MALT1: variants seen among roughly 807,000 people sequenced by gnomAD.
MALT1 encodes MALT1 paracaspase.
A neutral mutation model predicts 85.5 loss-of-function variants in MALT1; 36 were observed. The ratio of observed to expected loss-of-function variants is 0.42; its 90% CI spans 0.32 to 0.56. The LOEUF is 0.56. Ranked by LOEUF, MALT1 falls within the 20% of genes least tolerant of loss-of-function variation. The pLI is 0.10. For synonymous variants in MALT1, 359 were observed against 361.3 expected, an observed-to-expected ratio of 0.99 and a Z score of 0.07; for missense variants, 716 against 981.6, an observed-to-expected ratio of 0.73 and a Z score of 3.62.
At chr18:58,698,264 A>G (rs2054623587) in intron 3 of MALT1, among the ~76,000 whole-genome samples, 1 of 151,490 alleles carries the variant, frequency 6.6e-6, no homozygotes, top group Non-Finnish European at 1.5e-5. Context: ...ACGGGGTTTC[A>G]CCATGTTGGC....
rs1041222473 is a variant in MALT1 at position 58,696,361 on chromosome 18, T to TTTG, written c.377-3_377-2insGTT. The TTTG allele has an allele frequency of 7.1e-7, 1 of 1,400,950 alleles. No homozygotes were observed. The highest frequency in any genetic ancestry group is 9.3e-7 in the Non-Finnish European group (1 of 1,072,012). 86.8% of individuals were successfully genotyped at this position (1,400,950 alleles called of 1,614,324 possible). ...AATTTTTTTTTTTTTTTTTTTTTTT[T>TTTG]TTAGGAATAAAGATTACTGTAAACC... On this transcript the variant is annotated splice_region_variant and splice_polypyrimidine_tract_variant and intron_variant, in intron 2 of 16. Coordinates refer to ENST00000649217, the MANE Select transcript of MALT1 (RefSeq NM_006785.4).
chr18:58,733,367 C>T, intron 10 of MALT1, 30 bp from the exon 11 acceptor site: 1 of 1,446,846 alleles, frequency 6.9e-7, no homozygotes, highest in Non-Finnish European at 9.5e-7. Context: ...GAATTGACAT[C>T]TATCTCTCTC....
chr18:58,688,832 G>A (rs2054451141), intron 2 of MALT1, among the ~76,000 whole-genome samples: 3 of 152,050 alleles, frequency 2.0e-5, no homozygotes, highest in Non-Finnish European at 2.9e-5. Flanking sequence ...GGCAGAAAGC[G>A]GGATTACCGT....
intron 2 of MALT1, among the ~76,000 whole-genome samples, chr18:58,686,336 CTTTTG>C (rs903532466): frequency 6.6e-6 from 1 of 152,152 alleles, no homozygotes; most frequent in Non-Finnish European, 1.5e-5. Flanking sequence ...CTATTTGTTT[CTTTTG>C]TTTTAAGTGA....
rs538237973 is a variant in MALT1 at position 58,728,069 on chromosome 18, A to T, written c.1222+4818A>T. Among the ~76,000 whole-genome samples the T allele has an allele frequency of 1.2e-4, 19 of 152,252 alleles. No homozygotes were observed. In the South Asian group the frequency reaches 2.7e-3, roughly 22 times the overall value. Reference sequence around the variant, plus strand: ...GAGTGCATATTCAGTTGAGTGGAAAAGTTTTTCATTTAAATGATTATTTTC... The same window carrying T: ...GAGTGCATATTCAGTTGAGTGGAAATGTTTTTCATTTAAATGATTATTTTC... On this transcript the variant is annotated intron_variant, in intron 10 of 16. Transcript: ENST00000649217.
chr18:58,675,842 G>A (rs545680718), intron 1 of MALT1, among the ~76,000 whole-genome samples: 1 of 152,210 alleles, frequency 6.6e-6, no homozygotes, highest in East Asian at 1.9e-4. Context: ...GTAAACACTT[G>A]TTTGCCATCT....
intron 4 of MALT1, among the ~76,000 whole-genome samples, chr18:58,708,744 T>G (rs1301727902): frequency 6.6e-6 from 1 of 152,232 alleles, no homozygotes; most frequent in East Asian, 1.9e-4. Flanking sequence ...TGGAATCATA[T>G]TCATTCAATG....
intron 10 of MALT1, among the ~76,000 whole-genome samples, 184 bp from the exon 11 acceptor site, chr18:58,733,213 T>A (rs1359212560): frequency 6.6e-6 from 1 of 152,206 alleles, no homozygotes; most frequent in Non-Finnish European, 1.5e-5. Flanking sequence ...GCCTGGCCTG[T>A]TGCCAATAAT....
chr18:58,737,455 T>TG (rs1555689376), intron 13 of MALT1, among the ~76,000 whole-genome samples: 2 of 147,702 alleles, frequency 1.4e-5, no homozygotes, highest in South Asian at 2.1e-4. Flanking sequence ...CTCTCCAGCA[T>TG]GTGTGACAGA....
At chr18:58,743,357 CAA>C (rs2055327315) in intron 14 of MALT1, among the ~76,000 whole-genome samples, 1 of 152,146 alleles carries the variant, frequency 6.6e-6, no homozygotes, top group Non-Finnish European at 1.5e-5. Flanking sequence ...GCCTGGGCAA[CAA>C]GAGCAAAACT....
chr18:58,708,258 C>A (rs12457357), intron 4 of MALT1, among the ~76,000 whole-genome samples: 1,978 of 152,206 alleles, frequency 0.013, 84 homozygotes, highest in Admixed American at 0.081. Flanking sequence ...TGAGAAGGGC[C>A]GAAGACAGGG....
rs1465124880 is a variant in MALT1, at chr18:58,681,293, G to A, written c.333G>A (p.Gln111=). The change falls in exon 2 of 17, where the codon CAG becomes CAA. Residue 111 remains glutamine (Q), a synonymous_variant. Coordinates refer to ENST00000649217, the MANE Select transcript of MALT1 (RefSeq NM_006785.4). ...TCACAGAATTGAGTGATTTCCTGCA[G>A]GCTATGGAACACACTGAAGTTCTTC... The part of the protein sequence containing the change: ...CTVTELSDFL[Q]AMEHTEVLQL... 6.2e-7 allele frequency: 1 copy of A among 1,614,164 alleles called. No homozygotes were observed. The highest frequency in any genetic ancestry group is 1.1e-5 in the South Asian group (1 of 91,076).
chr18:58,671,482 G>C lies in MALT1; in HGVS notation c.-162G>C, dbSNP rs2144284471. The C allele has an allele frequency of 4.7e-6, 2 of 425,766 alleles. No homozygotes were observed. Among genetic ancestry groups the C allele is most frequent in the South Asian group, 2.5e-4 (2 of 7,908 alleles). 26.4% of individuals were successfully genotyped at this position (425,766 alleles called of 1,614,324 possible). A position where few individuals can be genotyped will look rare whatever the true frequency, so the allele number is the denominator to read the frequency against. On this transcript the variant is annotated 5_prime_UTR_variant, in exon 1 of 17. Transcript: ENST00000649217. ...CCCTCGGCAAACCTGTCTAATTGGG[G>C]CGGGGAGCGGAGCTTCCTCCTCTGA...
chr18:58,715,313 C>T (rs2054883492), intron 8 of MALT1, among the ~76,000 whole-genome samples: 1 of 152,014 alleles, frequency 6.6e-6, no homozygotes, highest in Non-Finnish European at 1.5e-5. Flanking sequence ...TCCTCATTTC[C>T]CACAATTCAG....
At position 58,749,831 on chromosome 18, in the gene MALT1, A is replaced by G. The variant is rs990011790; in HGVS notation, c.*1989A>G. On this transcript the variant is annotated 3_prime_UTR_variant, in exon 17 of 17. Transcript: ENST00000649217. ...TATGATAAATATAACATCTATGAAA[A>G]GCCCACACCTAACATTATACTTCAT... 8 of 210,398 alleles carry G rather than the reference A, an allele frequency of 3.8e-5. No homozygotes were observed. The East Asian group carries it at 5.7e-4, about 15-fold the overall frequency. 13.0% of individuals were successfully genotyped at this position (210,398 alleles called of 1,614,324 possible).
At chr18:58,709,328 T>G (rs1041313804) in intron 4 of MALT1, 50 bp from the exon 5 acceptor site, 32 of 1,285,332 alleles carry the variant, frequency 2.5e-5, no homozygotes, top group Non-Finnish European at 3.3e-5. Context: ...TATAGGGAAA[T>G]TTTATTTTTA....
At chr18:58,697,659 T>A (rs1443922821) in intron 3 of MALT1, among the ~76,000 whole-genome samples, 3 of 152,224 alleles carry the variant, frequency 2.0e-5, no homozygotes, top group Non-Finnish European at 4.4e-5. Flanking sequence ...AGTATATCAT[T>A]TGTAAGCTAT....
chr18:58,722,179 C>T (rs1165234227), intron 9 of MALT1, among the ~76,000 whole-genome samples: 2 of 151,660 alleles, frequency 1.3e-5, no homozygotes, highest in Admixed American at 6.6e-5. Flanking sequence ...GACCCCATTC[C>T]AGGCTATCAA....
In MALT1 at chr18:58,750,215, C is replaced by T. The variant is rs541447182; in HGVS notation, c.*2373C>T. The T allele has an allele frequency of 2.9e-5, 5 of 172,128 alleles. No individual in the cohort carries two copies. Among genetic ancestry groups the T allele is most frequent in the South Asian group, 4.0e-4 (2 of 4,994 alleles). The allele number at this position is 172,128 out of a possible 1,614,324, so 10.7% of individuals were successfully genotyped here. On this transcript the variant is annotated 3_prime_UTR_variant, in exon 17 of 17. Coordinates refer to ENST00000649217, the MANE Select transcript of MALT1 (RefSeq NM_006785.4). Reference sequence around the variant, plus strand: ...AATGAGAATAAAGAAATCCTATATACAGTAGCATCAAGAATAAAACTCCAA... The same window carrying T: ...AATGAGAATAAAGAAATCCTATATATAGTAGCATCAAGAATAAAACTCCAA...
Sources: gnomAD v4.1 joint callset for allele counts (sites outside exome capture counted in the v4.1 genomes callset) on GRCh38, gnomAD v4.1.1 for gene constraint, MANE v1.5 for transcripts, NCBI Gene and HGNC (gene_info 2026-07-23, HGNC 2026-07-21) for gene names.